MLXIPL: variants seen among roughly 807,000 people sequenced by gnomAD.
MLXIPL encodes carbohydrate-responsive element-binding protein.
In MLXIPL, 49 loss-of-function variants were observed where a neutral mutation model predicts 81.5. The observed-to-expected ratio is 0.60, with a 90% CI of 0.48 to 0.76. MLXIPL has a LOEUF of 0.76. MLXIPL is among the 30% of genes least tolerant of loss of function. The pLI is 0.00. For missense variants in MLXIPL, 1,053 were observed against 1,167.0 expected (o/e 0.90, Z 1.42); for synonymous variants, 466 against 485.5 (o/e 0.96, Z 0.53).
the MLXIPL span, among the ~76,000 whole-genome samples, chr7:73,643,629 C>T: frequency 6.6e-6 from 1 of 152,090 alleles, no homozygotes; most frequent in African/African-American, 2.4e-5. Context: ...GTATGTCTTT[C>T]TGCTGGGCTG....
Position 73,594,270 on chromosome 7 carries a change from G to A in MLXIPL, c.2440+4C>T, listed in dbSNP as rs145051181. 93 of 1,611,898 alleles carry A rather than the reference G, an allele frequency of 5.8e-5. No individual in the cohort carries two copies. The African/African-American group carries it at 8.4e-4, about 15-fold the overall frequency. ...TCTAGCAGGCAGGGAGATGGCTCAC[G>A]TACTTGGCCGGAGAGCGGGCAGAGA... On this transcript the variant is annotated splice_donor_region_variant and intron_variant, in intron 16 of 16. Coordinates refer to ENST00000313375, the MANE Select transcript of MLXIPL (RefSeq NM_032951.3).
chr7:73,627,604 A>G (rs781990964), upstream of MLXIPL, among the ~76,000 whole-genome samples: 2 of 152,100 alleles, frequency 1.3e-5, no homozygotes, highest in Non-Finnish European at 2.9e-5. Flanking sequence ...TGACAGGATC[A>G]TTACTTACCC....
the MLXIPL span, among the ~76,000 whole-genome samples, chr7:73,630,285 C>CT: frequency 0.69 from 67,635 of 97,784 alleles, 25,597 homozygotes; most frequent in South Asian, 0.84. Flanking sequence ...GCCAGCTTGT[C>CT]TTTTTTTTTT....
rs190197045 is a variant in MLXIPL at position 73,597,689 on chromosome 7, A to G, written c.1096T>C (p.Leu366=). ...GAACTCAGGAAGGCGCTGGAGTCCA[A>G]GGGGCCAGGGCAGCTGTTCCGAGCC... is the stretch of plus-strand genomic sequence containing the variant. The part of the protein sequence containing the change: ...LQARNSCPGP[L]DSSAFLSSDF... Residue 366 remains leucine (L), a synonymous_variant, in exon 9 of 17, where the codon TTG becomes CTG. Coordinates refer to ENST00000313375, the MANE Select transcript of MLXIPL (RefSeq NM_032951.3). 1,401 of 1,366,276 alleles carry G rather than the reference A, an allele frequency of 1.0e-3. 15 individuals carry two copies. In the African/African-American group the frequency reaches 0.02, roughly 19 times the overall value. 84.6% of individuals were successfully genotyped at this position (1,366,276 alleles called of 1,614,324 possible). A position where few individuals can be genotyped will look rare whatever the true frequency, so the allele number is the denominator to read the frequency against.
rs551711249 is a variant in MLXIPL, at chr7:73,614,917, TCTC to T, written c.400+1151_400+1153del. ...GCTCCGCCTCCCAGGTTCACGCCAT[TCTC>T]CTGCCTCAGCCTGCCGAGTAGCTGG... On this transcript the variant is annotated intron_variant, in intron 2 of 16. Transcript: ENST00000313375. Among the ~76,000 whole-genome samples the T allele has an allele frequency of 2.0e-5, 3 of 151,006 alleles. No individual in the cohort carries two copies. The Admixed American group carries it at 2.0e-4, about 10-fold the overall frequency.
chr7:73,599,802 G>A, intron 7 of MLXIPL, 107 bp from the exon 8 acceptor site: 2 of 1,115,322 alleles, frequency 1.8e-6, no homozygotes, highest in Non-Finnish European at 2.6e-6. Flanking sequence ...GGGGACATGG[G>A]GACTGGCGGG....
intron 7 of MLXIPL, among the ~76,000 whole-genome samples, chr7:73,602,122 GCCTGCCTGCCTTCCTT>G (rs1584096771): frequency 5.0e-5 from 3 of 59,610 alleles, no homozygotes; most frequent in Admixed American, 1.8e-4. Context: ...CTGCCTGCCT[GCCTGCCTGCCTTCCTT>G]CCTTCCTTCC....
chr7:73,618,615 C>A (rs1047578251), intron 1 of MLXIPL, among the ~76,000 whole-genome samples: 1 of 151,962 alleles, frequency 6.6e-6, no homozygotes, highest in East Asian at 1.9e-4. Flanking sequence ...GGACAACAGG[C>A]CTCATTACCC....
the MLXIPL span, among the ~76,000 whole-genome samples, chr7:73,645,027 G>A: frequency 1.4e-5 from 2 of 146,538 alleles, no homozygotes; most frequent in South Asian, 2.1e-4. Flanking sequence ...TCTGGGTAGA[G>A]CATTTTTTTT....
In MLXIPL at chr7:73,595,764, GGGGCA is replaced by G. The variant is rs1325740174; in HGVS notation, c.2187-9_2187-5del. 1 of 1,590,328 alleles carries G rather than the reference GGGGCA, an allele frequency of 6.3e-7. No homozygotes were observed. Among genetic ancestry groups the G allele is most frequent in the Admixed American group, 1.8e-5 (1 of 55,458 alleles). On this transcript the variant is annotated splice_polypyrimidine_tract_variant and splice_region_variant and intron_variant, in intron 14 of 16. Transcript: ENST00000313375. ...GGGCAGCTGCTGCTGGCACAGGCTG[GGGGCA>G]GGGCAGGGGTCAGGGGCTGGGGGTA...
At chr7:73,615,698 T>A (rs1795966274) in intron 2 of MLXIPL, among the ~76,000 whole-genome samples, 1 of 151,928 alleles carries the variant, frequency 6.6e-6, no homozygotes, top group African/African-American at 2.4e-5. Context: ...GCAGATCACT[T>A]GAGGTCAGGA....
At position 73,593,418 on chromosome 7, in the gene MLXIPL, T is replaced by G. The variant is rs953318208; in HGVS notation, c.*447A>C. 3.3e-5 allele frequency: 8 copies of G among 244,248 alleles called. No individual in the cohort carries two copies. The highest frequency in any genetic ancestry group is 1.8e-4 in the African/African-American group (8 of 44,594). The allele number at this position is 244,248 out of a possible 1,614,324, so 15.1% of individuals were successfully genotyped here. On this transcript the variant is annotated 3_prime_UTR_variant, in exon 17 of 17. Coordinates refer to ENST00000313375, the MANE Select transcript of MLXIPL (RefSeq NM_032951.3). ...GAGAGGGAACCTCCTTTTCTGCTTC[T>G]CTGCTCAGGAACAGAGGTCTGTGCC...
the MLXIPL span, among the ~76,000 whole-genome samples, chr7:73,637,195 G>C: frequency 6.6e-6 from 1 of 151,604 alleles, no homozygotes; most frequent in Non-Finnish European, 1.5e-5. Context: ...AAGCAAAAAG[G>C]GGCCTTGTGC....
At position 73,616,074 on chromosome 7, in the gene MLXIPL, G is replaced by C. The variant is rs1395288921; in HGVS notation, c.397C>G (p.Gln133Glu). The C allele has an allele frequency of 6.2e-7, 1 of 1,613,378 alleles. No homozygotes were observed. Among genetic ancestry groups the C allele is most frequent in the Non-Finnish European group, 8.5e-7 (1 of 1,179,512 alleles). ...NNAIWRAWYIQYVKRRKSPVC... is the reference protein window; with the variant it reads ...NNAIWRAWYIEYVKRRKSPVC... The stretch of plus-strand genomic sequence containing the variant: ...GAGGCTGGTGGTAGCCACTCACACT[G>C]GATATACCAGGCCCTCCAGATGGCG... Residue 133 changes from glutamine (Q) to glutamate (E), a missense_variant, in exon 2 of 17, where the codon CAG (glutamine) becomes GAG (glutamate). Gln to Glu is a conservative substitution (Grantham distance 29, BLOSUM62 2). This residue lies in a region of MLXIPL where 226 missense variants were observed against 216.2 expected (regional missense o/e 1.05). Coordinates refer to ENST00000313375, the MANE Select transcript of MLXIPL (RefSeq NM_032951.3).
At chr7:73,608,635 G>C (rs974750199) in intron 2 of MLXIPL, among the ~76,000 whole-genome samples, 1 of 151,624 alleles carries the variant, frequency 6.6e-6, no homozygotes, top group African/African-American at 2.4e-5. Flanking sequence ...CAGGCCAGGG[G>C]CCTAGAGCCT....
chr7:73,594,166 C>T, intron 16 of MLXIPL, 108 bp downstream of exon 16: 1 of 1,564,296 alleles, frequency 6.4e-7, no homozygotes, highest in Middle Eastern at 1.7e-4. Flanking sequence ...TGGCCACAAC[C>T]CTAGGCTGTG....
At chr7:73,621,421 C>T (rs1389550621) in intron 1 of MLXIPL, among the ~76,000 whole-genome samples, 4 of 151,676 alleles carry the variant, frequency 2.6e-5, no homozygotes, top group African/African-American at 9.7e-5. Context: ...AGGCTGGTCC[C>T]TGATTCAGGT....
At chr7:73,612,966 T>G (rs1246556808) in intron 2 of MLXIPL, among the ~76,000 whole-genome samples, 1 of 152,128 alleles carries the variant, frequency 6.6e-6, no homozygotes, top group Admixed American at 6.5e-5. Context: ...AAGTCCTTCT[T>G]GCCCCAGGAG....
At chr7:73,611,385 G>A (rs1461649576) in intron 2 of MLXIPL, 1 of 152,270 alleles carries the variant, frequency 6.6e-6, no homozygotes, top group Admixed American at 6.6e-5. Context: ...CTCTGACAAA[G>A]AGAACAACTG....
Sources: allele counts gnomAD v4.1 joint callset (sites outside exome capture counted in the v4.1 genomes callset), GRCh38; gene constraint gnomAD v4.1.1; regional missense constraint gnomAD v4.1.1; transcripts MANE v1.5; gene names NCBI Gene and HGNC (gene_info 2026-07-23, HGNC 2026-07-21).